Variants in EPN1 observed in about 807,000 individuals in gnomAD.
The protein encoded by EPN1 is epsin-1.
A neutral mutation model predicts 56.9 loss-of-function variants in EPN1; 25 were observed. That is an observed-to-expected ratio of 0.44 (90% CI 0.32 to 0.61). The LOEUF (loss-of-function observed/expected upper bound fraction) is 0.61. EPN1 is among the 20% of genes least tolerant of loss of function. EPN1 has a pLI of 0.05. For missense variants in EPN1, 785 were observed against 823.7 expected, an observed-to-expected ratio of 0.95 and a Z score of 0.58; for synonymous variants, 411 against 361.8, an observed-to-expected ratio of 1.14 and a Z score of -1.54.
Position 55,698,977 on chromosome 19 carries a change from C to A in EPN1, c.*3621C>A, listed in dbSNP as rs1463980146. 6.6e-6 allele frequency: 1 copy of A among 152,216 alleles called. No individual in the cohort carries two copies. The highest frequency in any genetic ancestry group is 2.4e-5 in the African/African-American group (1 of 41,444). 9.4% of individuals were successfully genotyped at this position (152,216 alleles called of 1,614,324 possible). On this transcript the variant is annotated 3_prime_UTR_variant, in exon 11 of 11. Transcript: ENST00000270460. ...GTTAGGATGGTCTCGATCTCCTGACCTCGTGATCCGCCTGCCTCGGCCTCC... is the reference window on the plus strand; with the variant it reads ...GTTAGGATGGTCTCGATCTCCTGACATCGTGATCCGCCTGCCTCGGCCTCC...
At chr19:55,693,099 C>T (rs892916219) in intron 9 of EPN1, 62 bp downstream of exon 9, 95 of 1,520,078 alleles carry the variant, frequency 6.2e-5, no homozygotes, top group Admixed American at 1.5e-4. Flanking sequence ...CTTCGGGAGC[C>T]CCGTCCCTTG....
At chr19:55,686,547 T>C (rs1221703977) in intron 3 of EPN1, among the ~76,000 whole-genome samples, 2 of 152,060 alleles carry the variant, frequency 1.3e-5, no homozygotes, top group East Asian at 3.9e-4. Flanking sequence ...TGGACTTGTT[T>C]GGGGAAGTCT....
Position 55,706,299 on chromosome 19 carries a change from T to TTTTTTTTTTTTTTTAA in EPN1, c.*10943_*10944insTTTTTTTTTTTTTTAA, listed in dbSNP as rs1324277673. ...TTTCTTCTTCTTTTTTTTTTTTTTTTAAAAGACCGTGTTTCGCTCTGTCAC... is the reference window on the plus strand; with the variant it reads ...TTTCTTCTTCTTTTTTTTTTTTTTTTTTTTTTTTTTTTTTAAAAAAGACCGTGTTTCGCTCTGTCAC... On this transcript the variant is annotated 3_prime_UTR_variant, in exon 11 of 11. Transcript: ENST00000270460. 1.9e-5 allele frequency: 3 copies of TTTTTTTTTTTTTTTAA among 154,808 alleles called. No individual in the cohort carries two copies. The highest frequency in any genetic ancestry group is 7.6e-5 in the African/African-American group (3 of 39,260). The allele number at this position is 154,808 out of a possible 1,614,324, so 9.6% of individuals were successfully genotyped here.
At position 55,697,417 on chromosome 19, in the gene EPN1, A is replaced by G. The variant is rs1348413670; in HGVS notation, c.*2061A>G. 1 of 152,246 alleles carries G rather than the reference A, an allele frequency of 6.6e-6. No individual in the cohort carries two copies. The highest frequency in any genetic ancestry group is 2.4e-5 in the African/African-American group (1 of 41,452). The allele number at this position is 152,246 out of a possible 1,614,324, so 9.4% of individuals were successfully genotyped here. On this transcript the variant is annotated 3_prime_UTR_variant, in exon 11 of 11. Transcript: ENST00000270460. Reference sequence around the variant, plus strand: ...TTAAGGATAAGTTTCACGATTTCGCACTGCGGAGCCTGCACTCCCTTTCTC... The same window carrying G: ...TTAAGGATAAGTTTCACGATTTCGCGCTGCGGAGCCTGCACTCCCTTTCTC...
Position 55,691,927 on chromosome 19 carries a change from C to G in EPN1, c.936C>G (p.Ala312=), listed in dbSNP as rs769608556. The G allele has an allele frequency of 3.9e-6, 6 of 1,558,008 alleles. No individual in the cohort carries two copies. In the South Asian group the frequency reaches 4.7e-5, roughly 12 times the overall value. ...PPAADPWGGP[A]PTPASGDPWR... ...CTGCTGATCCCTGGGGAGGTCCAGC[C>G]CCCACGCCGGCCTCTGGGGACCCCT... Residue 312 remains alanine, a synonymous_variant, in exon 7 of 11, where the codon GCC becomes GCG. Coordinates refer to ENST00000270460, the MANE Select transcript of EPN1 (RefSeq NM_001130072.2). The surrounding 1 kb of genome is among the most constrained non-coding windows in gnomAD (Gnocchi z 5.6).
Position 55,691,526 on chromosome 19 carries a change from G to C in EPN1, c.763-228G>C, listed in dbSNP as rs1025582149. Among the ~76,000 whole-genome samples, 43 of 151,850 alleles carry C rather than the reference G, an allele frequency of 2.8e-4. No individual in the cohort carries two copies. The highest frequency in any genetic ancestry group is 2.8e-3 in the Admixed American group (43 of 15,240). ...AGTGGGGCTGTGTTGGGGCTCCCTG[G>C]TGGTACCCTCGGGTGGGGTAGGTGG... On this transcript the variant is annotated intron_variant, in intron 6 of 10. Transcript: ENST00000270460. The surrounding 1 kb of genome is among the most constrained non-coding windows in gnomAD (Gnocchi z 5.6).
chr19:55,703,906 G>C lies in EPN1; in HGVS notation c.*8550G>C, dbSNP rs1187919034. On this transcript the variant is annotated 3_prime_UTR_variant, in exon 11 of 11. Coordinates refer to ENST00000270460, the MANE Select transcript of EPN1 (RefSeq NM_001130072.2). ...GCTGCTGGCCCAGCAGAGGGCGCCG[G>C]AGAGCGGACGGAGCCGCAGGCGGGG... The C allele has an allele frequency of 6.6e-6, 1 of 152,232 alleles. No homozygotes were observed. The highest frequency in any genetic ancestry group is 1.9e-4 in the East Asian group (1 of 5,190). 9.4% of individuals were successfully genotyped at this position (152,232 alleles called of 1,614,324 possible).
At position 55,704,639 on chromosome 19, in the gene EPN1, T is replaced by TG. The variant is rs1484804083; in HGVS notation, c.*9288dup. 1 of 151,604 alleles carries TG rather than the reference T, an allele frequency of 6.6e-6. No homozygotes were observed. The highest frequency in any genetic ancestry group is 1.9e-4 in the East Asian group (1 of 5,188). 9.4% of individuals were successfully genotyped at this position (151,604 alleles called of 1,614,324 possible). A position where few individuals can be genotyped will look rare whatever the true frequency, so the allele number is the denominator to read the frequency against. Reference sequence around the variant, plus strand: ...CATGAATGCAGCCATCCACACTGTCTGGGGGAAGGCACACACACCCCACAG... The same window carrying TG: ...CATGAATGCAGCCATCCACACTGTCTGGGGGGAAGGCACACACACCCCACAG... On this transcript the variant is annotated 3_prime_UTR_variant, in exon 11 of 11. Transcript: ENST00000270460.
At chr19:55,686,280 G>A (rs1333974206) in intron 3 of EPN1, among the ~76,000 whole-genome samples, 2 of 145,462 alleles carry the variant, frequency 1.4e-5, no homozygotes, top group African/African-American at 5.1e-5. Flanking sequence ...GACTGTTCCA[G>A]GAAGTGTGGT....
intron 2 of EPN1, among the ~76,000 whole-genome samples, chr19:55,681,686 A>C (rs1985828823): frequency 2.0e-5 from 3 of 152,236 alleles, no homozygotes; most frequent in Admixed American, 2.0e-4. Context: ...GCATTGCAGG[A>C]TGTCCTTGAT....
Position 55,701,918 on chromosome 19 carries a change from T to C in EPN1, c.*6562T>C, listed in dbSNP as rs1236657835. 2.0e-5 allele frequency: 3 copies of C among 151,628 alleles called. No individual in the cohort carries two copies. The highest frequency in any genetic ancestry group is 4.4e-5 in the Non-Finnish European group (3 of 68,008). 9.4% of individuals were successfully genotyped at this position (151,628 alleles called of 1,614,324 possible). ...AAGAACCAGTTAGGACCAGGTGTGC[T>C]GTCTGCATCGAGCAGAGTCTCTAGC... is the stretch of plus-strand genomic sequence containing the variant. On this transcript the variant is annotated 3_prime_UTR_variant, in exon 11 of 11. Transcript: ENST00000270460.
intron 9 of EPN1, among the ~76,000 whole-genome samples, chr19:55,693,646 G>A (rs924242626): frequency 5.3e-5 from 8 of 152,208 alleles, no homozygotes; most frequent in African/African-American, 1.9e-4. Context: ...GCTGATACCT[G>A]TCTGTCCCAT....
rs1005805539 is a variant in EPN1, at chr19:55,698,200, C to T, written c.*2844C>T. ...TTTACAAGGGCATGCACGGATGGGCCTAGGAGGAGGTTCAGATCCCTCAGG... is the reference window on the plus strand; with the variant it reads ...TTTACAAGGGCATGCACGGATGGGCTTAGGAGGAGGTTCAGATCCCTCAGG... On this transcript the variant is annotated 3_prime_UTR_variant, in exon 11 of 11. Coordinates refer to ENST00000270460, the MANE Select transcript of EPN1 (RefSeq NM_001130072.2). The T allele has an allele frequency of 1.3e-5, 2 of 151,988 alleles. No homozygotes were observed. Among genetic ancestry groups the T allele is most frequent in the African/African-American group, 4.8e-5 (2 of 41,320 alleles). The allele number at this position is 151,988 out of a possible 1,614,324, so 9.4% of individuals were successfully genotyped here.
rs147946680 is a variant in EPN1, at chr19:55,701,819, G to A, written c.*6463G>A. ...CAGAGACGGGTCCCGAACGGGTTGT[G>A]AAGTTGTAGAAGAAATGTCAGGGGT... is the stretch of plus-strand genomic sequence containing the variant. On this transcript the variant is annotated 3_prime_UTR_variant, in exon 11 of 11. Coordinates refer to ENST00000270460, the MANE Select transcript of EPN1 (RefSeq NM_001130072.2). 1.3e-5 allele frequency: 2 copies of A among 152,156 alleles called. No homozygotes were observed. Among genetic ancestry groups the A allele is most frequent in the Admixed American group, 1.3e-4 (2 of 15,278 alleles). 9.4% of individuals were successfully genotyped at this position (152,156 alleles called of 1,614,324 possible).
chr19:55,685,198 C>T (rs572059261), intron 2 of EPN1, among the ~76,000 whole-genome samples, 198 bp from the exon 3 acceptor site: 3 of 152,388 alleles, frequency 2.0e-5, no homozygotes, highest in South Asian at 2.1e-4. Context: ...GGCTGGTCCC[C>T]GTCACAGCGT....
Position 55,695,221 on chromosome 19 carries a change from G to T in EPN1, c.1596G>T (p.Gln532His). The change falls in exon 11 of 11, where the codon CAG (glutamine) becomes CAT (histidine). Residue 532 changes from glutamine to histidine, a missense_variant. Gln to His is a conservative substitution (Grantham distance 24). Coordinates refer to ENST00000270460, the MANE Select transcript of EPN1 (RefSeq NM_001130072.2). The surrounding 1 kb of genome is among the most constrained non-coding windows in gnomAD (Gnocchi z 4.4). ...CTCCCGCGACGCTCACCCTGAACCAGCTCCGTCTCAGTCCTGTGCCTCCCG... is the reference window on the plus strand; with the variant it reads ...CTCCCGCGACGCTCACCCTGAACCATCTCCGTCTCAGTCCTGTGCCTCCCG... ...PAPPATLTLN[Q>H]LRLSPVPPVP... 1 of 1,613,286 alleles carries T rather than the reference G, an allele frequency of 6.2e-7. No individual in the cohort carries two copies.
rs1987285755 is a variant in EPN1 at position 55,704,225 on chromosome 19, C to A, written c.*8869C>A. The A allele has an allele frequency of 6.5e-6, 1 of 152,800 alleles. No homozygotes were observed. Among genetic ancestry groups the A allele is most frequent in the Admixed American group, 6.5e-5 (1 of 15,284 alleles). The allele number at this position is 152,800 out of a possible 1,614,324, so 9.5% of individuals were successfully genotyped here. A position where few individuals can be genotyped will look rare whatever the true frequency, so the allele number is the denominator to read the frequency against. On this transcript the variant is annotated 3_prime_UTR_variant, in exon 11 of 11. Coordinates refer to ENST00000270460, the MANE Select transcript of EPN1 (RefSeq NM_001130072.2). ...CCCGCCCCCCGTTGGAGTGGCCCAT[C>A]CTCTCCGCTTAGACACCTGCAGTCA...
chr19:55,688,759 G>A (rs1986331149), intron 3 of EPN1, 111 bp from the exon 4 acceptor site: 1 of 1,467,756 alleles, frequency 6.8e-7, no homozygotes, highest in East Asian at 2.5e-5. Flanking sequence ...TGTAGGGTGG[G>A]GGACTTGGGG....
intron 1 of EPN1, among the ~76,000 whole-genome samples, chr19:55,675,946 T>A (rs2122150594): frequency 6.6e-6 from 1 of 152,310 alleles, no homozygotes. Context: ...GTTAACTTGA[T>A]CTAGAATCTG....
Sources: gnomAD v4.1 joint callset for allele counts (sites outside exome capture counted in the v4.1 genomes callset) on GRCh38, gnomAD v4.1.1 for gene constraint, Gnocchi (gnomAD v3.1) non-coding constraint, MANE v1.5 for transcripts, NCBI Gene and HGNC (gene_info 2026-07-23, HGNC 2026-07-21) for gene names.